The following OSBPL9 variants were observed in gnomAD, a reference collection of about 807,000 sequenced individuals.
OSBPL9 encodes oxysterol-binding protein-related protein 9.
In OSBPL9, 40 loss-of-function variants were observed where a neutral mutation model predicts 106.6. The ratio of observed to expected loss-of-function variants is 0.38; its 90% CI spans 0.29 to 0.49. The LOEUF is 0.49. Among genes scored for constraint, OSBPL9 ranks in the 20% least tolerant of loss-of-function variants. The probability of loss-of-function intolerance (pLI) is 0.97; values close to 1 mark genes in which losing one functional copy is unlikely to be tolerated. For synonymous variants in OSBPL9, 269 were observed against 295.4 expected, an observed-to-expected ratio of 0.91 and a Z score of 0.92; for missense variants, 609 against 887.2, an observed-to-expected ratio of 0.69 and a Z score of 3.98.
chr1:51,527,369 A>T, the OSBPL9 span, among the ~76,000 whole-genome samples: 3 of 148,660 alleles, frequency 2.0e-5, 1 homozygote, highest in Admixed American at 2.0e-4. Flanking sequence ...GATGATGATG[A>T]TGGTGATTAA....
At chr1:51,606,830 C>T (rs1359753731) in intron 2 of OSBPL9, among the ~76,000 whole-genome samples, 2 of 152,074 alleles carry the variant, frequency 1.3e-5, no homozygotes, top group Non-Finnish European at 2.9e-5. Context: ...GGGCAGATCA[C>T]GAGGTCAGGA....
intron 18 of OSBPL9, 101 bp downstream of exon 18, chr1:51,784,126 G>A (rs1677044183): frequency 1.4e-6 from 2 of 1,387,530 alleles, no homozygotes; most frequent in Non-Finnish European, 2.0e-6. Context: ...TGGTATTGGG[G>A]GTGAGAGCAA....
intron 3 of OSBPL9, among the ~76,000 whole-genome samples, chr1:51,694,671 A>G (rs1655656513): frequency 6.6e-6 from 1 of 152,194 alleles, no homozygotes; most frequent in Non-Finnish European, 1.5e-5. Flanking sequence ...TTATTTGAAA[A>G]TCAAATCGGT....
chr1:51,607,479 A>G (rs1310752956), intron 2 of OSBPL9, among the ~76,000 whole-genome samples: 1 of 152,136 alleles, frequency 6.6e-6, no homozygotes, highest in African/African-American at 2.4e-5. Context: ...GTTTTTCTGT[A>G]GTATATCTAT....
At chr1:51,669,766 A>G in intron 3 of OSBPL9, 1 of 593,072 alleles carries the variant, frequency 1.7e-6, no homozygotes, top group Non-Finnish European at 3.2e-6. Flanking sequence ...AAATCAGTGA[A>G]GGGAGAGAGT....
chr1:51,782,755 T>C (rs1025738675), intron 17 of OSBPL9, 112 bp downstream of exon 17: 5 of 851,764 alleles, frequency 5.9e-6, no homozygotes, highest in Non-Finnish European at 8.9e-6. Flanking sequence ...TAGCTGTGTG[T>C]TTCTTATTCC....
At chr1:51,673,427 T>C (rs921434532) in intron 3 of OSBPL9, among the ~76,000 whole-genome samples, 3 of 152,178 alleles carry the variant, frequency 2.0e-5, no homozygotes, top group African/African-American at 7.2e-5. Context: ...GTTTTGTTTT[T>C]GTAGGATAAG....
intron 3 of OSBPL9, among the ~76,000 whole-genome samples, chr1:51,712,848 A>G (rs920371875): frequency 6.6e-6 from 1 of 152,246 alleles, no homozygotes; most frequent in African/African-American, 2.4e-5. Flanking sequence ...TTAGCAGCTA[A>G]GATGATGTTA....
intron 22 of OSBPL9, 127 bp downstream of exon 22, chr1:51,786,744 G>A (rs560601512): frequency 5.8e-5 from 39 of 672,976 alleles, no homozygotes; most frequent in Non-Finnish European, 9.5e-5. Context: ...TGAATTCCTG[G>A]GTTCGTATGT....
At chr1:51,645,895 CA>C (rs1238151596) in intron 1 of OSBPL9, among the ~76,000 whole-genome samples, 1 of 151,410 alleles carries the variant, frequency 6.6e-6, no homozygotes, top group Non-Finnish European at 1.5e-5. Context: ...ATAGTCTTGG[CA>C]CTCTTGTAAA....
At chr1:51,702,821 TA>T (rs1657598289) in intron 3 of OSBPL9, among the ~76,000 whole-genome samples, 2 of 152,238 alleles carry the variant, frequency 1.3e-5, no homozygotes, top group African/African-American at 4.8e-5. Flanking sequence ...AATTTTTGTA[TA>T]AGGTGTAAGG....
intron 2 of OSBPL9, among the ~76,000 whole-genome samples, chr1:51,610,948 A>G (rs561576531): frequency 6.6e-6 from 1 of 152,148 alleles, no homozygotes; most frequent in African/African-American, 2.4e-5. Context: ...ACACTGTTAC[A>G]TGTTTGTTCA....
chr1:51,743,236 A>G (rs1188430736), intron 4 of OSBPL9, among the ~76,000 whole-genome samples: 1 of 152,216 alleles, frequency 6.6e-6, no homozygotes, highest in African/African-American at 2.4e-5. Context: ...ACCTAAAGAA[A>G]AATGGATTGA....
intron 4 of OSBPL9, among the ~76,000 whole-genome samples, chr1:51,714,834 A>G (rs1042197631): frequency 6.6e-6 from 1 of 152,098 alleles, no homozygotes; most frequent in African/African-American, 2.4e-5. Context: ...CATAGATTCT[A>G]CCCTGGAGCT....
intron 3 of OSBPL9, among the ~76,000 whole-genome samples, chr1:51,696,030 T>G (rs561064401): frequency 6.6e-6 from 1 of 152,300 alleles, no homozygotes; most frequent in South Asian, 2.1e-4. Context: ...TGGACGCTGA[T>G]TATTGCTGGA....
At chr1:51,648,503 C>T (rs1646308240) in intron 1 of OSBPL9, among the ~76,000 whole-genome samples, 1 of 152,170 alleles carries the variant, frequency 6.6e-6, no homozygotes, top group Admixed American at 6.6e-5. Context: ...GTAGTGGGTC[C>T]TGTGATTGGT....
intron 2 of OSBPL9, among the ~76,000 whole-genome samples, chr1:51,653,608 G>T (rs574229475): frequency 1.3e-5 from 2 of 152,228 alleles, no homozygotes; most frequent in African/African-American, 4.8e-5. Flanking sequence ...CTTACATTTG[G>T]TTATAACTTT....
Position 51,779,002 on chromosome 1 carries a change from A to G in OSBPL9, c.1256+2084A>G, listed in dbSNP as rs72900026. Among the ~76,000 whole-genome samples the G allele has an allele frequency of 7.2e-3, 1,098 of 152,334 alleles. 12 individuals carry two copies. The highest frequency in any genetic ancestry group is 0.025 in the African/African-American group (1,056 of 41,568). On this transcript the variant is annotated intron_variant, in intron 15 of 23. Coordinates refer to ENST00000428468, the MANE Select transcript of OSBPL9 (RefSeq NM_024586.6). ...TCTCCAATTATTTGGCAATTAAGCA[A>G]TGCACTTACATGGACTTAATCTATG...
At chr1:51,741,768 A>G (rs561466703) in intron 4 of OSBPL9, among the ~76,000 whole-genome samples, 14 of 152,180 alleles carry the variant, frequency 9.2e-5, no homozygotes, top group Non-Finnish European at 1.6e-4. Context: ...TTCTTGTTAC[A>G]TCACAGACCA....
Sources: gnomAD v4.1 joint callset for allele counts (sites outside exome capture counted in the v4.1 genomes callset) on GRCh38, gnomAD v4.1.1 for gene constraint, MANE v1.5 for transcripts, NCBI Gene and HGNC (gene_info 2026-07-23, HGNC 2026-07-21) for gene names.